SAMSN1: variants seen among roughly 807,000 people sequenced by gnomAD.
SAMSN1 encodes SAM domain, SH3 domain and nuclear localization signals 1.
SAMSN1 carries 31 observed loss-of-function variants against 42.0 expected under a neutral mutation model. The observed-to-expected ratio is 0.74, with a 90% CI of 0.55 to 1.00. The LOEUF (loss-of-function observed/expected upper bound fraction) is 1.00. Among genes scored for constraint, SAMSN1 ranks in the 50% least tolerant of loss-of-function variants. The pLI, the probability that SAMSN1 is intolerant of heterozygous loss-of-function variation, is 0.00. For missense variants in SAMSN1, 464 were observed against 439.4 expected (o/e 1.06, Z -0.50); for synonymous variants, 178 against 151.9 (o/e 1.17, Z -1.26).
chr21:14,579,994 A>G (rs1981650643), intron 2 of SAMSN1, among the ~76,000 whole-genome samples: 1 of 152,122 alleles, frequency 6.6e-6, no homozygotes, highest in Admixed American at 6.5e-5. Context: ...GGTTGGCAGG[A>G]TGTGTTTCAT....
chr21:14,558,328 T>C (rs1312680431), intron 2 of SAMSN1, among the ~76,000 whole-genome samples: 1 of 151,378 alleles, frequency 6.6e-6, no homozygotes, highest in East Asian at 1.9e-4. Flanking sequence ...TTAGACAACA[T>C]GAGAAAAAAA....
At chr21:14,567,956 A>G (rs1284998925) in intron 2 of SAMSN1, among the ~76,000 whole-genome samples, 1 of 152,180 alleles carries the variant, frequency 6.6e-6, no homozygotes, top group Non-Finnish European at 1.5e-5. Context: ...AATGAAACTG[A>G]AAAATCAGAG....
chr21:14,491,230 T>C (rs1003316759), intron 7 of SAMSN1, among the ~76,000 whole-genome samples: 2 of 152,000 alleles, frequency 1.3e-5, no homozygotes, highest in African/African-American at 4.8e-5. Flanking sequence ...TGAAGGCACT[T>C]GAAGAGAGCA....
intron 7 of SAMSN1, among the ~76,000 whole-genome samples, chr21:14,591,757 T>A (rs954109593): frequency 1.3e-5 from 2 of 152,184 alleles, no homozygotes; most frequent in Non-Finnish European, 2.9e-5. Flanking sequence ...AATAGTCTTA[T>A]TCCACTGTAA....
At chr21:14,505,359 A>G (rs1312662337) in intron 5 of SAMSN1, among the ~76,000 whole-genome samples, 1 of 152,192 alleles carries the variant, frequency 6.6e-6, no homozygotes, top group Non-Finnish European at 1.5e-5. Flanking sequence ...AGACTCATCT[A>G]ACACATAAAG....
intron 1 of SAMSN1, among the ~76,000 whole-genome samples, chr21:14,528,969 G>T (rs554429788): frequency 1.6e-4 from 25 of 152,280 alleles, no homozygotes; most frequent in African/African-American, 6.0e-4. Context: ...CAGATGATGA[G>T]AACTGAGGCT....
At chr21:14,562,155 A>C (rs1980966737) in intron 2 of SAMSN1, among the ~76,000 whole-genome samples, 1 of 152,246 alleles carries the variant, frequency 6.6e-6, no homozygotes. Flanking sequence ...CAATTGAAGA[A>C]CCATTGTGAA....
At chr21:14,594,746 A>G (rs896696778) in intron 6 of SAMSN1, 5 of 152,186 alleles carry the variant, frequency 3.3e-5, no homozygotes, top group Admixed American at 2.0e-4. Flanking sequence ...AACAGGTAAT[A>G]AAATGGTGCT....
intron 5 of SAMSN1, among the ~76,000 whole-genome samples, chr21:14,605,377 G>C (rs532735676): frequency 6.6e-6 from 1 of 152,196 alleles, no homozygotes; most frequent in Non-Finnish European, 1.5e-5. Context: ...TTGTAAGCAA[G>C]CATTTAGAGG....
At chr21:14,552,495 T>C (rs1200235804) in intron 2 of SAMSN1, among the ~76,000 whole-genome samples, 2 of 151,982 alleles carry the variant, frequency 1.3e-5, no homozygotes, top group Non-Finnish European at 2.9e-5. Context: ...ATCCCTTCAC[T>C]CCCACTTTTC....
intron 7 of SAMSN1, among the ~76,000 whole-genome samples, chr21:14,589,435 G>A (rs1982014756): frequency 6.6e-6 from 1 of 151,408 alleles, no homozygotes; most frequent in Non-Finnish European, 1.5e-5. Flanking sequence ...CCAAATTCAG[G>A]GAATTTATTT....
rs150717072 is a variant in SAMSN1, at chr21:14,535,590, T to A, written c.57+10615A>T. ...CTTGTACCTCAGACCATGACTGTAT[T>A]TGGATATAAAGCCTTTAAAGAGAAA... is the stretch of plus-strand genomic sequence containing the variant. On this transcript the variant is annotated intron_variant, in intron 1 of 7. Transcript: ENST00000400566. Among the ~76,000 whole-genome samples the A allele has an allele frequency of 2.0e-3, 302 of 152,300 alleles. 2 individuals are homozygous for A. Among genetic ancestry groups the A allele is most frequent in the African/African-American group, 6.9e-3 (286 of 41,558 alleles).
intron 1 of SAMSN1, among the ~76,000 whole-genome samples, chr21:14,535,291 T>A (rs141176308): frequency 1.3e-5 from 2 of 152,312 alleles, no homozygotes; most frequent in East Asian, 3.9e-4. Flanking sequence ...AAATGATTCC[T>A]AATAGAGGTC....
intron 1 of SAMSN1, among the ~76,000 whole-genome samples, chr21:14,647,584 C>A (rs1398309889): frequency 2.1e-5 from 3 of 141,538 alleles, no homozygotes; most frequent in Non-Finnish European, 4.7e-5. Flanking sequence ...GGCAGTATGG[C>A]CATTTTCACG....
intron 2 of SAMSN1, among the ~76,000 whole-genome samples, chr21:14,571,601 G>A (rs1422354713): frequency 6.6e-6 from 1 of 152,090 alleles, no homozygotes. Flanking sequence ...TTATGACTGA[G>A]CGATATATTA....
At chr21:14,610,325 A>G (rs2123321371) in intron 4 of SAMSN1, among the ~76,000 whole-genome samples, 1 of 152,238 alleles carries the variant, frequency 6.6e-6, no homozygotes, top group South Asian at 2.1e-4. Context: ...GGGATGAAAC[A>G]TGCCCTAGTC....
chr21:14,615,906 C>T, intron 3 of SAMSN1: 3 of 419,364 alleles, frequency 7.2e-6, no homozygotes, highest in Non-Finnish European at 1.3e-5. Flanking sequence ...GGCACGAAGT[C>T]CACTAAAAAT....
At chr21:14,502,690 TG>T (rs933254857) in intron 5 of SAMSN1, among the ~76,000 whole-genome samples, 2 of 152,118 alleles carry the variant, frequency 1.3e-5, no homozygotes, top group Non-Finnish European at 2.9e-5. Context: ...TCTCCCACAA[TG>T]GTTACTAGGT....
chr21:14,574,900 G>C (rs752025776), intron 2 of SAMSN1, among the ~76,000 whole-genome samples: 1 of 152,030 alleles, frequency 6.6e-6, no homozygotes, highest in African/African-American at 2.4e-5. Flanking sequence ...TAAAAAATGT[G>C]TTTGCATGTC....
Sources: allele counts gnomAD v4.1 joint callset (sites outside exome capture counted in the v4.1 genomes callset), GRCh38; gene constraint gnomAD v4.1.1; transcripts MANE v1.5; gene names NCBI Gene and HGNC (gene_info 2026-07-23, HGNC 2026-07-21).